Variants in STK4 observed in about 807,000 individuals in gnomAD.
STK4 encodes the protein serine/threonine kinase 4, also known as serine/threonine-protein kinase 4.
In STK4, 30 loss-of-function variants were observed where a neutral mutation model predicts 64.9. The observed-to-expected ratio is 0.46, with a 90% CI of 0.35 to 0.63. STK4 has a LOEUF of 0.63. Ranked by LOEUF, STK4 falls within the 20% of genes least tolerant of loss-of-function variation. STK4 has a pLI of 0.01. For synonymous variants in STK4, 177 were observed against 199.0 expected (o/e 0.89, Z 0.93); for missense variants, 466 against 598.5 (o/e 0.78, Z 2.31).
At chr20:45,027,282 T>C (rs2068366982) in intron 10 of STK4, among the ~76,000 whole-genome samples, 2 of 151,832 alleles carry the variant, frequency 1.3e-5, no homozygotes, top group African/African-American at 4.8e-5. Flanking sequence ...TACAAAAAAA[T>C]CAGCCAGTGT....
At chr20:44,988,509 GTGTGTGTATATATA>G (rs1397869477) in intron 5 of STK4, among the ~76,000 whole-genome samples, 1 of 124,190 alleles carries the variant, frequency 8.1e-6, no homozygotes, top group Non-Finnish European at 1.8e-5. Context: ...GTATGTATGT[GTGTGTGTATATATA>G]TGTGTGTGTG....
At chr20:45,066,110 T>C (rs1979542916) in intron 10 of STK4, among the ~76,000 whole-genome samples, 1 of 151,980 alleles carries the variant, frequency 6.6e-6, no homozygotes, top group Non-Finnish European at 1.5e-5. Flanking sequence ...GGTATATATG[T>C]ATAGGAAAAA....
intron 10 of STK4, among the ~76,000 whole-genome samples, chr20:45,051,759 T>A (rs755200368): frequency 8.5e-5 from 13 of 152,244 alleles, no homozygotes; most frequent in Non-Finnish European, 1.5e-4. Flanking sequence ...CATTGAGGCT[T>A]ATGTTTAGGT....
chr20:45,068,623 CACAA>C (rs1979792921), intron 10 of STK4, among the ~76,000 whole-genome samples: 1 of 152,188 alleles, frequency 6.6e-6, no homozygotes, highest in Non-Finnish European at 1.5e-5. Flanking sequence ...CCACATTTTT[CACAA>C]ACACACTCCC....
intron 9 of STK4, among the ~76,000 whole-genome samples, chr20:45,011,868 G>A (rs2068057308): frequency 6.6e-6 from 1 of 150,732 alleles, no homozygotes; most frequent in African/African-American, 2.4e-5. Context: ...CTAGTAGTCT[G>A]TTTTATTTTT....
chr20:45,000,425 A>G lies in STK4; in HGVS notation c.865A>G (p.Ile289Val), dbSNP rs769288309. ...PFVRSAKGVS[I>V]LRDLINEAMD... ...TGTCAGGAGTGCCAAAGGAGTGTCAATACTGCGAGACTTAATTAATGAAGC... is the reference window on the plus strand; with the variant it reads ...TGTCAGGAGTGCCAAAGGAGTGTCAGTACTGCGAGACTTAATTAATGAAGC... The change falls in exon 8 of 11, where the codon ATA becomes GTA. Residue 289 changes from isoleucine (I) to valine (V), a missense_variant. By Grantham distance (29) the Ile-to-Val change is conservative (BLOSUM62 3). Around this residue, in one of 2 missense-constraint regions of STK4, gnomAD observed 276 missense variants for 308.9 expected, o/e 0.89. Coordinates refer to ENST00000372806, the MANE Select transcript of STK4 (RefSeq NM_006282.5). The G allele has an allele frequency of 8.7e-6, 14 of 1,613,968 alleles. No individual in the cohort carries two copies. The highest frequency in any genetic ancestry group is 1.6e-4 in the Middle Eastern group (1 of 6,080).
rs766646031 is a variant in STK4, at chr20:44,997,269, G to A, written c.794G>A (p.Ser265Asn). ...TDFVKQCLVKSPEQRATATQL... is the reference protein window; with the variant it reads ...TDFVKQCLVKNPEQRATATQL... ...TTTGTGAAACAGTGTCTTGTAAAGA[G>A]CCCTGAGCAGAGGGCCACAGCCACT... Residue 265 changes from serine (S) to asparagine (N), a missense_variant, in exon 7 of 11, where the codon AGC becomes AAC. By Grantham distance (46) the Ser-to-Asn change is conservative (BLOSUM62 1). Coordinates refer to ENST00000372806, the MANE Select transcript of STK4 (RefSeq NM_006282.5). 1.9e-6 allele frequency: 3 copies of A among 1,612,296 alleles called. No individual in the cohort carries two copies. In the African/African-American group the frequency reaches 4.0e-5, roughly 22 times the overall value.
intron 8 of STK4, 127 bp from the exon 9 acceptor site, chr20:45,001,040 A>G (rs2145696905): frequency 2.0e-6 from 2 of 1,022,462 alleles, no homozygotes; most frequent in East Asian, 5.3e-5. Flanking sequence ...CATTTCTGGA[A>G]GGTGAGTTTA....
intron 7 of STK4, 33 bp downstream of exon 7, chr20:44,997,339 A>T: frequency 4.5e-6 from 7 of 1,552,508 alleles, no homozygotes; most frequent in Non-Finnish European, 6.1e-6. Flanking sequence ...ATCTCGCTCC[A>T]TTTCATTTAC....
At chr20:45,041,623 GTTT>G (rs1371771454) in intron 10 of STK4, among the ~76,000 whole-genome samples, 2 of 150,794 alleles carry the variant, frequency 1.3e-5, no homozygotes, top group Non-Finnish European at 3.0e-5. Flanking sequence ...GATTGTTTTG[GTTT>G]TTTAGGTTCA....
intron 2 of STK4, chr20:44,975,123 C>T (rs1399921697): frequency 1.3e-5 from 2 of 152,796 alleles, no homozygotes; most frequent in African/African-American, 4.8e-5. Flanking sequence ...TTAATTTGGC[C>T]TCAGATACTG....
intron 10 of STK4, among the ~76,000 whole-genome samples, chr20:45,064,521 G>A (rs1439206027): frequency 6.6e-6 from 1 of 152,122 alleles, no homozygotes; most frequent in Non-Finnish European, 1.5e-5. Flanking sequence ...ATTGCTTTGG[G>A]CAGTATAGCC....
chr20:45,075,217 T>A lies in STK4; in HGVS notation c.*41T>A. The A allele has an allele frequency of 6.2e-7, 1 of 1,604,478 alleles. No individual in the cohort carries two copies. The highest frequency in any genetic ancestry group is 8.5e-7 in the Non-Finnish European group (1 of 1,177,156). On this transcript the variant is annotated 3_prime_UTR_variant, in exon 11 of 11. Coordinates refer to ENST00000372806, the MANE Select transcript of STK4 (RefSeq NM_006282.5). ...GAGGGCCCCAGCTCCACCCAGGCTT[T>A]GGGTGAATTCTGGATGGCTTGCCTC... is the stretch of plus-strand genomic sequence containing the variant.
chr20:44,967,151 AT>A (rs1456493216), intron 1 of STK4: 2 of 985,214 alleles, frequency 2.0e-6, no homozygotes, highest in Non-Finnish European at 2.4e-6. Flanking sequence ...GGAGGGTAGC[AT>A]TTCAGAGGAT....
intron 10 of STK4, among the ~76,000 whole-genome samples, chr20:45,035,530 T>G (rs1374131875): frequency 2.0e-5 from 3 of 152,188 alleles, no homozygotes; most frequent in Non-Finnish European, 2.9e-5. Context: ...GCTTTCAGAT[T>G]TCTTATGACT....
chr20:45,029,798 G>C (rs1319315993), intron 10 of STK4, among the ~76,000 whole-genome samples: 1 of 152,176 alleles, frequency 6.6e-6, no homozygotes, highest in Admixed American at 6.5e-5. Context: ...GGTTTTTACA[G>C]TAGTATATCT....
chr20:45,026,128 G>GGTTTTTTTTTT (rs1490924969), intron 10 of STK4, among the ~76,000 whole-genome samples: 1,366 of 128,492 alleles, frequency 0.011, 23 homozygotes, highest in African/African-American at 0.036. Context: ...TTATCCAGTG[G>GGTTTTTTTTTT]TTTTTTTTTT....
chr20:44,979,799 A>T (rs1237594195), intron 3 of STK4, among the ~76,000 whole-genome samples: 5 of 149,496 alleles, frequency 3.3e-5, no homozygotes, highest in East Asian at 1.9e-4. Context: ...TTTTGTGATT[A>T]CTGTCTACTA....
At chr20:44,991,521 T>C (rs2067633625) in intron 5 of STK4, among the ~76,000 whole-genome samples, 1 of 152,240 alleles carries the variant, frequency 6.6e-6, no homozygotes, top group African/African-American at 2.4e-5. Context: ...TATTTGCTAA[T>C]GCTGAATGGG....
Sources: gnomAD v4.1 joint callset for allele counts (sites outside exome capture counted in the v4.1 genomes callset) on GRCh38, gnomAD v4.1.1 for gene constraint, gnomAD v4.1.1 regional missense constraint, MANE v1.5 for transcripts, NCBI Gene and HGNC (gene_info 2026-07-23, HGNC 2026-07-21) for gene names.